SEPTIN9: variants seen among roughly 807,000 people sequenced by gnomAD.
SEPTIN9 encodes septin 9, also known as septin-9.
SEPTIN9 carries 13 observed loss-of-function variants against 56.6 expected under a neutral mutation model. The ratio of observed to expected loss-of-function variants is 0.23; its 90% CI spans 0.15 to 0.37. The LOEUF (loss-of-function observed/expected upper bound fraction) is 0.37. Among genes scored for constraint, SEPTIN9 ranks in the 10% least tolerant of loss-of-function variants. SEPTIN9 has a pLI of 1.00. For missense variants in SEPTIN9, 650 were observed against 823.1 expected (o/e 0.79, Z 2.57); for synonymous variants, 332 against 334.1 (o/e 0.99, Z 0.07).
At chr17:77,457,498 C>T (rs1297429813) in intron 3 of SEPTIN9, among the ~76,000 whole-genome samples, 4 of 152,172 alleles carry the variant, frequency 2.6e-5, no homozygotes, top group African/African-American at 4.8e-5. Context: ...CGTGTTTATG[C>T]GCTGGGCCTT....
At chr17:77,366,316 C>T (rs1040980197) in intron 2 of SEPTIN9, among the ~76,000 whole-genome samples, 7 of 152,244 alleles carry the variant, frequency 4.6e-5, no homozygotes, top group African/African-American at 9.6e-5. Context: ...AGCCATTTCA[C>T]GACTGTGTCT....
At chr17:77,305,924 G>A (rs1598493874) in intron 1 of SEPTIN9, among the ~76,000 whole-genome samples, 1 of 90,270 alleles carries the variant, frequency 1.1e-5, no homozygotes, top group Non-Finnish European at 2.2e-5. Flanking sequence ...GGGTGGGTGG[G>A]TGGATGGATG....
At chr17:77,388,326 T>C (rs962090856) in intron 2 of SEPTIN9, among the ~76,000 whole-genome samples, 3 of 152,136 alleles carry the variant, frequency 2.0e-5, no homozygotes, top group African/African-American at 7.2e-5. Context: ...GGTTACCCCT[T>C]CTGGAATCTT....
intron 2 of SEPTIN9, among the ~76,000 whole-genome samples, chr17:77,366,408 CATG>C (rs1370022399): frequency 6.6e-6 from 1 of 152,212 alleles, no homozygotes; most frequent in Non-Finnish European, 1.5e-5. Flanking sequence ...AGGAAGAAAA[CATG>C]AGCTATCATG....
At chr17:77,467,288 C>T (rs1568093865) in intron 3 of SEPTIN9, among the ~76,000 whole-genome samples, 2 of 152,234 alleles carry the variant, frequency 1.3e-5, no homozygotes, top group South Asian at 2.1e-4. Flanking sequence ...GTGGCCTGGC[C>T]AAGGTCTCAG....
intron 3 of SEPTIN9, among the ~76,000 whole-genome samples, chr17:77,414,115 G>C (rs2036406152): frequency 6.6e-6 from 1 of 151,728 alleles, no homozygotes; most frequent in Non-Finnish European, 1.5e-5. Context: ...TTTCACTCTT[G>C]TCGCCTAGGC....
In SEPTIN9 at chr17:77,475,958, G is replaced by A; in HGVS notation, c.722-6186G>A. The A allele has an allele frequency of 1.3e-5, 20 of 1,561,574 alleles. No homozygotes were observed. Among genetic ancestry groups the A allele is most frequent in the Non-Finnish European group, 1.7e-5 (20 of 1,147,792 alleles). On this transcript the variant is annotated intron_variant, in intron 3 of 11. Transcript: ENST00000427177. The surrounding 1 kb of genome is among the most constrained non-coding windows in gnomAD (Gnocchi z 4.6). ...TGCTCTGAGAGCCAGGTGTGGGTTG[G>A]GTTTGGGGAAGACAGGGGAATGGCA...
rs954030622 is a variant in SEPTIN9, at chr17:77,405,920, C to CTGGTG, written c.721+3217_721+3218insTGGTG. Among the ~76,000 whole-genome samples the CTGGTG allele has an allele frequency of 8.5e-5, 13 of 152,204 alleles. No individual in the cohort carries two copies. The highest frequency in any genetic ancestry group is 3.1e-4 in the African/African-American group (13 of 41,446). On this transcript the variant is annotated intron_variant, in intron 3 of 11. Transcript: ENST00000427177. The surrounding 1 kb of genome is among the most constrained non-coding windows in gnomAD (Gnocchi z 5.8). ...ACAGCTCTGACCAATCTCTGCGGCC[C>CTGGTG]CTCTGTCCCCCGAGCACCAGGGATC... is the stretch of plus-strand genomic sequence containing the variant.
intron 2 of SEPTIN9, among the ~76,000 whole-genome samples, chr17:77,399,858 C>T (rs959151091): frequency 6.6e-6 from 1 of 152,204 alleles, no homozygotes; most frequent in South Asian, 2.1e-4. Flanking sequence ...ACACCCCTGA[C>T]TCTGGGGCTC....
chr17:77,387,583 A>G (rs934904139), intron 2 of SEPTIN9, among the ~76,000 whole-genome samples: 1 of 152,124 alleles, frequency 6.6e-6, no homozygotes, highest in Admixed American at 6.5e-5. Context: ...GTGGGAGACC[A>G]GGCTCGGAGA....
intron 1 of SEPTIN9, among the ~76,000 whole-genome samples, chr17:77,303,746 A>T (rs536315754): frequency 5.9e-5 from 9 of 152,166 alleles, no homozygotes; most frequent in Admixed American, 2.6e-4. Context: ...TGTGCCAGGC[A>T]CTGTGCTAGT....
intron 3 of SEPTIN9, among the ~76,000 whole-genome samples, chr17:77,448,880 TTTG>T (rs1164528245): frequency 1.3e-5 from 2 of 151,992 alleles, no homozygotes; most frequent in Admixed American, 6.6e-5. Flanking sequence ...GCCTCCCAGG[TTTG>T]AGCGATTCTC....
At position 77,451,655 on chromosome 17, in the gene SEPTIN9, C is replaced by G; in HGVS notation, c.722-30489C>G. 1 of 727,754 alleles carries G rather than the reference C, an allele frequency of 1.4e-6. No homozygotes were observed. Among genetic ancestry groups the G allele is most frequent in the Non-Finnish European group, 1.7e-6 (1 of 594,334 alleles). 45.1% of individuals were successfully genotyped at this position (727,754 alleles called of 1,614,324 possible). On this transcript the variant is annotated intron_variant, in intron 3 of 11. Coordinates refer to ENST00000427177, the MANE Select transcript of SEPTIN9 (RefSeq NM_001113491.2). The surrounding 1 kb of genome is among the most constrained non-coding windows in gnomAD (Gnocchi z 4.2). ...CCGGGAGCCACGCTGTCCCTGGGCCCCGGCCCGAGGCCGGCAGGACCGAGC... is the reference window on the plus strand; with the variant it reads ...CCGGGAGCCACGCTGTCCCTGGGCCGCGGCCCGAGGCCGGCAGGACCGAGC...
chr17:77,339,388 G>C (rs2033655232), intron 2 of SEPTIN9, among the ~76,000 whole-genome samples: 1 of 152,160 alleles, frequency 6.6e-6, no homozygotes, highest in Non-Finnish European at 1.5e-5. Context: ...TGTTACATTA[G>C]CAGGCATGAA....
At chr17:77,357,668 GC>G (rs1465763103) in intron 2 of SEPTIN9, among the ~76,000 whole-genome samples, 1 of 151,918 alleles carries the variant, frequency 6.6e-6, no homozygotes, top group African/African-American at 2.4e-5. Context: ...AGGCTGAAGT[GC>G]GGTGGTGCAG....
intron 8 of SEPTIN9, 106 bp downstream of exon 8, chr17:77,490,965 G>C (rs547484949): frequency 2.2e-6 from 2 of 897,882 alleles, no homozygotes; most frequent in African/African-American, 3.3e-5. Context: ...CAGGGAGACC[G>C]AACCGCTGGT....
At chr17:77,287,226 T>G (rs570860126) in intron 1 of SEPTIN9, among the ~76,000 whole-genome samples, 14 of 152,314 alleles carry the variant, frequency 9.2e-5, no homozygotes, top group Non-Finnish European at 1.8e-4. Flanking sequence ...ATGCCAGGCA[T>G]GGGGATCGTG....
intron 2 of SEPTIN9, among the ~76,000 whole-genome samples, chr17:77,352,405 TCAAAAACAAAAA>T (rs57563817): frequency 0.03 from 4,385 of 147,508 alleles, 94 homozygotes; most frequent in Non-Finnish European, 0.047. Context: ...AGACTCCGTC[TCAAAAACAAAAA>T]CAAAAACAAA....
chr17:77,460,138 C>T (rs1170544256), intron 3 of SEPTIN9, among the ~76,000 whole-genome samples: 2 of 147,856 alleles, frequency 1.4e-5, no homozygotes, highest in African/African-American at 5.0e-5. Flanking sequence ...GAGGGGACAA[C>T]GTCCAAACCA....
Sources: gnomAD v4.1 joint callset for allele counts (sites outside exome capture counted in the v4.1 genomes callset) on GRCh38, gnomAD v4.1.1 for gene constraint, Gnocchi (gnomAD v3.1) non-coding constraint, MANE v1.5 for transcripts, NCBI Gene and HGNC (gene_info 2026-07-23, HGNC 2026-07-21) for gene names.